Variants in ATF7IP observed in about 807,000 individuals in gnomAD.
ATF7IP encodes the protein activating transcription factor 7-interacting protein 1.
Under a neutral mutation model 106.4 loss-of-function variants are expected in ATF7IP, and 23 were observed. The observed-to-expected ratio is 0.22, with a 90% CI of 0.16 to 0.31. ATF7IP has a LOEUF of 0.31. Among genes scored for constraint, ATF7IP ranks in the 10% least tolerant of loss-of-function variants. ATF7IP has a pLI of 1.00. For synonymous variants in ATF7IP, 542 were observed against 539.0 expected, an observed-to-expected ratio of 1.01 and a Z score of -0.08; for missense variants, 1,334 against 1,524.3, an observed-to-expected ratio of 0.88 and a Z score of 2.08.
chr12:14,398,184 A>G (rs1939959929), intron 1 of ATF7IP, among the ~76,000 whole-genome samples: 1 of 151,548 alleles, frequency 6.6e-6, no homozygotes, highest in Non-Finnish European at 1.5e-5. Flanking sequence ...TTTCTTTCAT[A>G]ATTTTCTGCT....
chr12:14,494,333 A>ATATGTGTGTGTG (rs1234871100), intron 13 of ATF7IP, among the ~76,000 whole-genome samples: 6 of 86,002 alleles, frequency 7.0e-5, no homozygotes, highest in African/African-American at 2.3e-4. Flanking sequence ...ATATATATAT[A>ATATGTGTGTGTG]TGTGTGTGTG....
chr12:14,393,129 A>G (rs946398103), intron 1 of ATF7IP, among the ~76,000 whole-genome samples: 3 of 152,194 alleles, frequency 2.0e-5, no homozygotes, highest in Non-Finnish European at 2.9e-5. Flanking sequence ...TATTTACACT[A>G]TATTTTATGT....
At chr12:14,459,035 T>G (rs1035354634) in intron 8 of ATF7IP, among the ~76,000 whole-genome samples, 4 of 152,228 alleles carry the variant, frequency 2.6e-5, no homozygotes, top group Admixed American at 1.3e-4. Context: ...GCTGTCATGC[T>G]TTCAATGACA....
chr12:14,488,589 C>T (rs1478170933), intron 13 of ATF7IP, among the ~76,000 whole-genome samples: 10 of 152,182 alleles, frequency 6.6e-5, no homozygotes, highest in Admixed American at 2.6e-4. Context: ...CACAGACACA[C>T]GCAGGATTAA....
chr12:14,473,329 TTTTA>T (rs1944133766), intron 10 of ATF7IP, among the ~76,000 whole-genome samples: 1 of 151,228 alleles, frequency 6.6e-6, no homozygotes, highest in Non-Finnish European at 1.5e-5. Context: ...TGTGTGTGTG[TTTTA>T]GGGGTTGTTC....
At chr12:14,374,093 A>T (rs992855123) in intron 1 of ATF7IP, among the ~76,000 whole-genome samples, 1 of 150,076 alleles carries the variant, frequency 6.7e-6, no homozygotes, top group Non-Finnish European at 1.5e-5. Context: ...GATGGAAAAT[A>T]TGACTTTTTT....
intron 2 of ATF7IP, among the ~76,000 whole-genome samples, chr12:14,430,319 A>G (rs930626866): frequency 6.6e-6 from 1 of 152,198 alleles, no homozygotes; most frequent in Non-Finnish European, 1.5e-5. Flanking sequence ...ATCATTGGTG[A>G]CTTTTACCAA....
At chr12:14,411,809 CCTT>C (rs994903948) in intron 1 of ATF7IP, among the ~76,000 whole-genome samples, 4 of 149,586 alleles carry the variant, frequency 2.7e-5, no homozygotes, top group Admixed American at 6.6e-5. Flanking sequence ...TTTTTTTTTT[CCTT>C]CTTCTTTTAT....
intron 6 of ATF7IP, among the ~76,000 whole-genome samples, chr12:14,448,037 G>A (rs556091431): frequency 4.0e-4 from 59 of 148,548 alleles, no homozygotes; most frequent in African/African-American, 1.3e-3. Context: ...TTTTTAGTTG[G>A]ATTTATTTTC....
chr12:14,482,864 C>T (rs767025784), intron 13 of ATF7IP, among the ~76,000 whole-genome samples: 1 of 152,174 alleles, frequency 6.6e-6, no homozygotes. Flanking sequence ...TAACATAATA[C>T]AACTATCCTT....
Position 14,425,246 on chromosome 12 carries a change from C to A in ATF7IP, c.1331C>A (p.Pro444His). 1 of 1,595,786 alleles carries A rather than the reference C, an allele frequency of 6.3e-7. No individual in the cohort carries two copies. Among genetic ancestry groups the A allele is most frequent in the Non-Finnish European group, 8.5e-7 (1 of 1,173,682 alleles). ...EIIPILEKLA[P>H]SEDELTCFSK... ...ATTCCTATTTTGGAAAAGCTTGCAC[C>A]TTCTGAGGATGAACTTACTTGCTTT... is the stretch of plus-strand genomic sequence containing the variant. The change falls in exon 2 of 15, where the codon CCT becomes CAT. Residue 444 changes from proline to histidine, a missense_variant. By Grantham distance (77) the Pro-to-His change is moderately conservative. Transcript: ENST00000261168.
intron 2 of ATF7IP, among the ~76,000 whole-genome samples, chr12:14,433,342 T>A (rs1942234537): frequency 6.6e-6 from 1 of 152,104 alleles, no homozygotes; most frequent in Admixed American, 6.5e-5. Flanking sequence ...CTGTCTCTAC[T>A]AAAAATACAA....
At chr12:14,381,263 A>C (rs1938991654) in intron 1 of ATF7IP, among the ~76,000 whole-genome samples, 1 of 152,032 alleles carries the variant, frequency 6.6e-6, no homozygotes, top group South Asian at 2.1e-4. Context: ...ACAGAGTCTC[A>C]TTCGGTCGCC....
At chr12:14,494,284 A>AATATATATAT (rs747194414) in intron 13 of ATF7IP, among the ~76,000 whole-genome samples, 183 of 53,732 alleles carry the variant, frequency 3.4e-3, no homozygotes, top group Non-Finnish European at 4.7e-3. Flanking sequence ...GAGCTAATAG[A>AATATATATAT]ATATATATAT....
rs1381831431 is a variant in ATF7IP, at chr12:14,488,242, A to AT, written c.3280+7062dup. Among the ~76,000 whole-genome samples the AT allele has an allele frequency of 2.1e-5, 3 of 145,924 alleles. No individual in the cohort carries two copies. The Admixed American group carries it at 2.1e-4, about 10-fold the overall frequency. On this transcript the variant is annotated intron_variant, in intron 13 of 14. Transcript: ENST00000261168. ...TCCTATAAATTTGTAGATATAGTAT[A>AT]TTTTTATATATATCTATAGTATAAA...
At chr12:14,427,315 G>T (rs564799900) in intron 2 of ATF7IP, among the ~76,000 whole-genome samples, 33 of 151,474 alleles carry the variant, frequency 2.2e-4, no homozygotes, top group African/African-American at 8.0e-4. Context: ...TAGAGACAGG[G>T]TCTTGCTATA....
chr12:14,472,808 A>G (rs1042485102), intron 10 of ATF7IP, among the ~76,000 whole-genome samples: 9 of 133,662 alleles, frequency 6.7e-5, no homozygotes, highest in African/African-American at 1.6e-4. Flanking sequence ...CCATATATGT[A>G]TATGAATGTA....
At chr12:14,490,639 C>A (rs111417897) in intron 13 of ATF7IP, among the ~76,000 whole-genome samples, 3,324 of 152,216 alleles carry the variant, frequency 0.022, 84 homozygotes, top group African/African-American at 0.061. Flanking sequence ...ATCTGTGAAC[C>A]AGGACCTAGT....
chr12:14,402,946 G>C (rs1263169998), intron 1 of ATF7IP, among the ~76,000 whole-genome samples: 2 of 151,872 alleles, frequency 1.3e-5, no homozygotes, highest in Non-Finnish European at 2.9e-5. Flanking sequence ...AGCTTTTACT[G>C]CTTTGCTCAG....
Sources: gnomAD v4.1 joint callset for allele counts (sites outside exome capture counted in the v4.1 genomes callset) on GRCh38, gnomAD v4.1.1 for gene constraint, MANE v1.5 for transcripts, NCBI Gene and HGNC (gene_info 2026-07-23, HGNC 2026-07-21) for gene names.